The following BPIFA3 variants were observed in gnomAD, a reference collection of about 807,000 sequenced individuals.
BPIFA3 encodes the protein BPI fold containing family A member 3, also known as BPI fold-containing family A member 3.
A neutral mutation model predicts 29.7 loss-of-function variants in BPIFA3; 32 were observed. That is an observed-to-expected ratio of 1.08 (90% CI 0.81 to 1.45). The LOEUF is 1.45. Ranked by LOEUF, BPIFA3 falls within the 40% of genes most tolerant of loss-of-function variation. The probability of loss-of-function intolerance (pLI) is 0.00; values close to 1 mark genes in which losing one functional copy is unlikely to be tolerated. For synonymous variants in BPIFA3, 112 were observed against 113.7 expected, an observed-to-expected ratio of 0.98 and a Z score of 0.10; for missense variants, 323 against 311.3, an observed-to-expected ratio of 1.04 and a Z score of -0.28.
rs896591083 is a variant in BPIFA3 at position 33,225,395 on chromosome 20, G to A, written c.536+148G>A. The A allele has an allele frequency of 1.1e-5, 12 of 1,134,930 alleles. No individual in the cohort carries two copies. The East Asian group carries it at 1.3e-4, about 12-fold the overall frequency. 70.3% of individuals were successfully genotyped at this position (1,134,930 alleles called of 1,614,324 possible). Reference sequence around the variant, plus strand: ...TGCTCCTCCTCCCATGTTCCCATCCGTGATGACCCTACCACCCTCCCAGAA... The same window carrying A: ...TGCTCCTCCTCCCATGTTCCCATCCATGATGACCCTACCACCCTCCCAGAA... On this transcript the variant is annotated intron_variant, in intron 4 of 6. Transcript: ENST00000375454.
chr20:33,225,305 G>A (rs1264615942), intron 4 of BPIFA3, 58 bp downstream of exon 4: 2 of 1,608,066 alleles, frequency 1.2e-6, no homozygotes, highest in African/African-American at 2.7e-5. Context: ...AGCCCCAGCT[G>A]CAGGGTCACT....
chr20:33,220,391 C>T (rs1267950316), intron 1 of BPIFA3, among the ~76,000 whole-genome samples: 3 of 150,840 alleles, frequency 2.0e-5, no homozygotes, highest in Non-Finnish European at 4.4e-5. Context: ...GAGCAAGACT[C>T]CATCTAAAAA....
intron 4 of BPIFA3, chr20:33,226,125 G>A (rs1985767468): frequency 3.0e-6 from 1 of 330,184 alleles, no homozygotes; most frequent in Non-Finnish European, 5.5e-6. Flanking sequence ...TATTCATTGA[G>A]TACCTAGATT....
At chr20:33,224,500 C>A in intron 3 of BPIFA3, 38 bp downstream of exon 3, 1 of 1,506,078 alleles carries the variant, frequency 6.6e-7, no homozygotes, top group Non-Finnish European at 9.2e-7. Flanking sequence ...AGGTGCTGGC[C>A]CTCCTCGCAG....
chr20:33,220,658 T>C (rs564188374), intron 1 of BPIFA3, among the ~76,000 whole-genome samples: 1 of 152,364 alleles, frequency 6.6e-6, no homozygotes, highest in African/African-American at 2.4e-5. Flanking sequence ...CTAGTTGGAA[T>C]TGCAGGTACA....
rs1186340482 is a variant in BPIFA3 at position 33,222,808 on chromosome 20, G to A, written c.128-1003G>A. Among the ~76,000 whole-genome samples, 4 of 152,166 alleles carry A rather than the reference G, an allele frequency of 2.6e-5. No individual in the cohort carries two copies. The South Asian group carries it at 8.3e-4, about 32-fold the overall frequency. On this transcript the variant is annotated intron_variant, in intron 1 of 6. Transcript: ENST00000375454. ...AACCAAGAACTACTAAGAGTTCTGG[G>A]CATACCTATAGGTTCACTCTATCCT...
intron 2 of BPIFA3, 22 bp downstream of exon 2, chr20:33,223,983 G>A (rs763073206): frequency 1.7e-5 from 27 of 1,611,816 alleles, no homozygotes; most frequent in East Asian, 4.5e-5. Flanking sequence ...AGTTCTATCC[G>A]TGGCCCTGGA....
At chr20:33,224,563 C>A in intron 3 of BPIFA3, 101 bp downstream of exon 3, 1 of 1,022,972 alleles carries the variant, frequency 9.8e-7, no homozygotes, top group Non-Finnish European at 1.5e-6. Context: ...CAAATCCTGG[C>A]TTCCAAAGCC....
chr20:33,226,457 G>A lies in BPIFA3; in HGVS notation c.588G>A (p.Leu196=). ...NQFLYNLKEN[L]QKVLPHMVES... is the part of the protein sequence containing the mutation. ...TTCTCTACAACCTCAAAGAGAATCT[G>A]CAAAAAGTTCTCCCACACATGGTAG... Residue 196 remains leucine (L), a synonymous_variant, in exon 5 of 7, where the codon CTG becomes CTA. Coordinates refer to ENST00000375454, the MANE Select transcript of BPIFA3 (RefSeq NM_178466.5). The A allele has an allele frequency of 1.2e-6, 2 of 1,609,654 alleles. No homozygotes were observed. The highest frequency in any genetic ancestry group is 1.7e-6 in the Non-Finnish European group (2 of 1,178,728).
rs563901056 is a variant in BPIFA3, at chr20:33,224,348, T to G, written c.279-7T>G. The G allele has an allele frequency of 1.9e-5, 30 of 1,612,342 alleles. No homozygotes were observed. The highest frequency in any genetic ancestry group is 2.5e-5 in the Non-Finnish European group (30 of 1,178,556). ...CCTTGTGGGGCCTCTGCTCTTTCCT[T>G]GTGCAGCATCAACATCACCAACATT... On this transcript the variant is annotated splice_polypyrimidine_tract_variant and splice_region_variant and intron_variant, in intron 2 of 6. Transcript: ENST00000375454.
chr20:33,217,904 C>T (rs1312463503), intron 1 of BPIFA3, among the ~76,000 whole-genome samples: 1 of 152,232 alleles, frequency 6.6e-6, no homozygotes, highest in African/African-American at 2.4e-5. Flanking sequence ...TTATTTTCCC[C>T]CTTTATGACT....
chr20:33,224,265 T>C, intron 2 of BPIFA3, 90 bp from the exon 3 acceptor site: 1 of 1,087,066 alleles, frequency 9.2e-7, no homozygotes, highest in Non-Finnish European at 1.4e-6. Context: ...AGGCCCTCTT[T>C]ATAGTCGGAC....
At chr20:33,224,210 C>A in intron 2 of BPIFA3, 145 bp from the exon 3 acceptor site, 2 of 804,812 alleles carry the variant, frequency 2.5e-6, no homozygotes, top group Non-Finnish European at 3.9e-6. Context: ...CTGACTCTTG[C>A]CCTCAGAGCA....
At chr20:33,222,629 CGGA>C (rs1568623450) in intron 1 of BPIFA3, among the ~76,000 whole-genome samples, 18 of 68,898 alleles carry the variant, frequency 2.6e-4, no homozygotes, top group African/African-American at 1.4e-3. Context: ...GATGGATGAG[CGGA>C]TGAATGGATG....
chr20:33,218,220 C>A (rs1985351644), intron 1 of BPIFA3, among the ~76,000 whole-genome samples: 1 of 152,198 alleles, frequency 6.6e-6, no homozygotes, highest in Admixed American at 6.5e-5. Flanking sequence ...CTGAGATGAA[C>A]CTCCTTGCAA....
intron 1 of BPIFA3, among the ~76,000 whole-genome samples, chr20:33,221,561 G>C (rs1236670074): frequency 6.6e-6 from 1 of 152,214 alleles, no homozygotes; most frequent in Admixed American, 6.5e-5. Flanking sequence ...GGCTAGGAAA[G>C]TTATACTAAC....
intron 1 of BPIFA3, among the ~76,000 whole-genome samples, chr20:33,222,601 T>C (rs1470264480): frequency 8.3e-5 from 11 of 131,792 alleles, no homozygotes; most frequent in Admixed American, 4.2e-4. Context: ...GATGGATGGA[T>C]GGATGAGTGG....
intron 1 of BPIFA3, among the ~76,000 whole-genome samples, chr20:33,219,982 C>T (rs1039166426): frequency 1.4e-4 from 21 of 151,986 alleles, no homozygotes; most frequent in African/African-American, 2.2e-4. Flanking sequence ...CACCTGTAGT[C>T]CCAGCTACTT....
At chr20:33,219,311 C>T (rs182906955) in intron 1 of BPIFA3, among the ~76,000 whole-genome samples, 6 of 152,044 alleles carry the variant, frequency 3.9e-5, no homozygotes, top group African/African-American at 1.4e-4. Flanking sequence ...TTACTTAATT[C>T]TTGACATTAG....
Sources: gnomAD v4.1 joint callset for allele counts (sites outside exome capture counted in the v4.1 genomes callset) on GRCh38, gnomAD v4.1.1 for gene constraint, MANE v1.5 for transcripts, NCBI Gene and HGNC (gene_info 2026-07-23, HGNC 2026-07-21) for gene names.